The following CSMD1 variants were observed in gnomAD, a reference collection of about 807,000 sequenced individuals.
CSMD1 encodes CUB and Sushi multiple domains 1, also known as CUB and sushi domain-containing protein 1.
A neutral mutation model predicts 417.5 loss-of-function variants in CSMD1; 213 were observed. The observed-to-expected ratio is 0.51, with a 90% CI of 0.46 to 0.57. The LOEUF is 0.57. CSMD1 is among the 20% of genes least tolerant of loss of function. CSMD1 has a pLI of 0.00. For synonymous variants in CSMD1, 2,862 were observed against 1,736.8 expected, an observed-to-expected ratio of 1.65 and a Z score of -16.11; for missense variants, 6,923 against 4,529.7, an observed-to-expected ratio of 1.53 and a Z score of -15.17.
chr8:4,006,414 C>T (rs1259920411), intron 4 of CSMD1, among the ~76,000 whole-genome samples: 1 of 152,134 alleles, frequency 6.6e-6, no homozygotes. Context: ...TGTGGTGGTC[C>T]ATGCCTGTAA....
intron 1 of CSMD1, among the ~76,000 whole-genome samples, chr8:4,987,237 T>C (rs1811224981): frequency 6.6e-6 from 1 of 152,138 alleles, no homozygotes; most frequent in Non-Finnish European, 1.5e-5. Context: ...GCCATGGAAT[T>C]TGCATTGAAT....
At chr8:3,259,768 C>G (rs1229627044) in intron 26 of CSMD1, among the ~76,000 whole-genome samples, 1 of 152,122 alleles carries the variant, frequency 6.6e-6, no homozygotes, top group African/African-American at 2.4e-5. Context: ...AGTTGGCAAA[C>G]TGTATACTGG....
chr8:3,277,275 A>G (rs1474295048), intron 26 of CSMD1, among the ~76,000 whole-genome samples: 1 of 152,106 alleles, frequency 6.6e-6, no homozygotes, highest in Non-Finnish European at 1.5e-5. Context: ...ATGAGAAGAT[A>G]GGGGAGAGTT....
intron 12 of CSMD1, among the ~76,000 whole-genome samples, chr8:3,461,420 C>G (rs1035712833): frequency 6.6e-6 from 1 of 152,200 alleles, no homozygotes; most frequent in Non-Finnish European, 1.5e-5. Flanking sequence ...AATGCTGTGT[C>G]AGTCCCCAGA....
chr8:4,376,766 C>A lies in CSMD1; in HGVS notation c.415+43187G>T, dbSNP rs547860832. Among the ~76,000 whole-genome samples, 10 of 152,316 alleles carry A rather than the reference C, an allele frequency of 6.6e-5. No individual in the cohort carries two copies. The East Asian group carries it at 1.9e-3, about 29-fold the overall frequency. On this transcript the variant is annotated intron_variant, in intron 3 of 69. Coordinates refer to ENST00000635120, the MANE Select transcript of CSMD1 (RefSeq NM_033225.6). ...TCACCCAGCTGCAATATTTTTCAGC[C>A]TGTTTGATAACCAACTCTATTTTCT...
chr8:3,051,609 T>A (rs923664386), intron 50 of CSMD1, among the ~76,000 whole-genome samples: 2 of 152,182 alleles, frequency 1.3e-5, no homozygotes, highest in African/African-American at 2.4e-5. Context: ...AGTTTTTTTT[T>A]AAAGGAGATC....
At chr8:3,143,102 AAACAAC>A (rs201574921) in intron 40 of CSMD1, among the ~76,000 whole-genome samples, 1 of 152,174 alleles carries the variant, frequency 6.6e-6, no homozygotes, top group Non-Finnish European at 1.5e-5. Context: ...TATCAAGGAA[AAACAAC>A]AACAACAACA....
intron 3 of CSMD1, among the ~76,000 whole-genome samples, chr8:4,329,447 C>T (rs902603601): frequency 6.6e-6 from 1 of 152,222 alleles, no homozygotes; most frequent in Non-Finnish European, 1.5e-5. Context: ...CGTCAGCACA[C>T]TGGCTAATTT....
chr8:4,926,848 G>A (rs185462093), intron 1 of CSMD1, among the ~76,000 whole-genome samples: 60 of 152,072 alleles, frequency 3.9e-4, no homozygotes, highest in African/African-American at 1.4e-3. Flanking sequence ...TAAATAGTTT[G>A]CTATCAATGA....
At chr8:4,634,533 C>A (rs1444725793) in intron 2 of CSMD1, among the ~76,000 whole-genome samples, 4 of 152,086 alleles carry the variant, frequency 2.6e-5, no homozygotes, top group Admixed American at 6.5e-5. Context: ...AACAACACAC[C>A]AAGACAGCTC....
chr8:3,699,882 GCTACATCCCTGGGTTATATCCCATAA>G (rs1228859114), intron 7 of CSMD1, among the ~76,000 whole-genome samples: 8,324 of 143,772 alleles, frequency 0.058, 1,519 homozygotes, highest in East Asian at 0.12. Flanking sequence ...ATATCCCATA[GCTACATCCCTGGGTTATATCCCATAA>G]CTACATCCCT....
At chr8:3,488,826 G>C (rs1344736840) in intron 11 of CSMD1, among the ~76,000 whole-genome samples, 1 of 152,124 alleles carries the variant, frequency 6.6e-6, no homozygotes, top group Non-Finnish European at 1.5e-5. Flanking sequence ...GCCATTATGT[G>C]AAAGATAATA....
At chr8:3,866,550 A>G (rs1585112531) in intron 5 of CSMD1, among the ~76,000 whole-genome samples, 2 of 152,112 alleles carry the variant, frequency 1.3e-5, no homozygotes, top group South Asian at 2.1e-4. Context: ...TCTTTAAATG[A>G]CCTTTTTAGT....
At chr8:3,646,884 T>A (rs371020124) in intron 7 of CSMD1, among the ~76,000 whole-genome samples, 1 of 152,146 alleles carries the variant, frequency 6.6e-6, no homozygotes, top group East Asian at 1.9e-4. Flanking sequence ...AGCCTGTTCC[T>A]CTAGTTTTGA....
chr8:3,896,543 G>A lies in CSMD1; in HGVS notation c.818+101360C>T, dbSNP rs185553209. ...TATTATTATTTTGAGACAGAGTCTC[G>A]CTCTGTCACCCAGGCTGGAGTGCAG... On this transcript the variant is annotated intron_variant, in intron 5 of 69. Coordinates refer to ENST00000635120, the MANE Select transcript of CSMD1 (RefSeq NM_033225.6). 9.7e-3 allele frequency among the ~76,000 whole-genome samples: 1,470 copies of A among 151,688 alleles called. 11 individuals are homozygous for A. The highest frequency in any genetic ancestry group is 0.024 in the Middle Eastern group (7 of 294).
intron 40 of CSMD1, among the ~76,000 whole-genome samples, chr8:3,144,569 TGTGATG>T (rs1172453996): frequency 1.3e-5 from 2 of 152,114 alleles, no homozygotes; most frequent in African/African-American, 4.8e-5. Context: ...AGAAAGGACC[TGTGATG>T]GTCTTGGCCA....
chr8:3,976,756 T>C (rs1235024600), intron 5 of CSMD1, among the ~76,000 whole-genome samples: 1 of 152,140 alleles, frequency 6.6e-6, no homozygotes, highest in Non-Finnish European at 1.5e-5. Flanking sequence ...TCTCAACATT[T>C]TGTAGAGAAT....
chr8:3,888,244 G>A (rs970682868), intron 5 of CSMD1, among the ~76,000 whole-genome samples: 2 of 152,146 alleles, frequency 1.3e-5, no homozygotes, highest in African/African-American at 2.4e-5. Flanking sequence ...TAAGCAAAAT[G>A]TGATGATCTG....
chr8:3,457,807 T>G (rs1585194512), intron 12 of CSMD1, among the ~76,000 whole-genome samples: 1 of 152,172 alleles, frequency 6.6e-6, no homozygotes, highest in Admixed American at 6.5e-5. Context: ...TTTGTAAAAG[T>G]GGGTCCTTGT....
Sources: allele counts gnomAD v4.1 joint callset (sites outside exome capture counted in the v4.1 genomes callset), GRCh38; gene constraint gnomAD v4.1.1; transcripts MANE v1.5; gene names NCBI Gene and HGNC (gene_info 2026-07-23, HGNC 2026-07-21).